The following DNAH3 variants were observed in gnomAD, a reference collection of about 807,000 sequenced individuals.
DNAH3 encodes dynein axonemal heavy chain 3, also known as axonemal beta dynein heavy chain 3.
DNAH3 carries 332 observed loss-of-function variants against 432.5 expected under a neutral mutation model. The observed-to-expected ratio is 0.77, with a 90% confidence interval of 0.70 to 0.84. The LOEUF is 0.84. Ranked by LOEUF, DNAH3 falls within the 40% of genes least tolerant of loss-of-function variation. The pLI, the probability that DNAH3 is intolerant of heterozygous loss-of-function variation, is 0.00. For synonymous variants in DNAH3, 1,956 were observed against 1,900.2 expected (o/e 1.03, Z -0.76); for missense variants, 4,861 against 5,114.0 (o/e 0.95, Z 1.51).
intron 41 of DNAH3, among the ~76,000 whole-genome samples, chr16:21,008,956 G>A (rs1199484150): frequency 6.6e-6 from 1 of 152,168 alleles, no homozygotes; most frequent in Non-Finnish European, 1.5e-5. Context: ...GTGAGCTTCT[G>A]TTATTCTACG....
rs1424311943 is a variant in DNAH3, at chr16:21,060,546, TACAG to T, written c.3721-194_3721-191del. On this transcript the variant is annotated intron_variant, in intron 25 of 61. Transcript: ENST00000261383. ...TTTTTCTTTTTTTTTTTTTTTTTGA[TACAG>T]AGTCTCGCTCTGTCACCAGGCTGGA... 8.4e-5 allele frequency among the ~76,000 whole-genome samples: 11 copies of T among 130,312 alleles called. No homozygotes were observed. In the East Asian group the frequency reaches 1.1e-3, roughly 13 times the overall value. The allele number at this position is 130,312 out of a possible 152,430, so 85.5% of individuals were successfully genotyped here.
Position 21,145,191 on chromosome 16 carries a change from C to T in DNAH3, c.438G>A (p.Leu146=), listed in dbSNP as rs775969210. Residue 146 remains leucine (L), a synonymous_variant, in exon 3 of 62, where the codon CTG becomes CTA. Transcript: ENST00000261383. ...CACTGCCACAAGTACCTGATGATGG[C>T]AGCCCCTGACCGGTCCTGTCCCTAG... 3.7e-6 allele frequency: 6 copies of T among 1,611,240 alleles called. No homozygotes were observed. In the East Asian group the frequency reaches 1.3e-4, roughly 36 times the overall value.
chr16:20,978,864 G>A (rs2085722888), intron 50 of DNAH3, among the ~76,000 whole-genome samples: 1 of 151,978 alleles, frequency 6.6e-6, no homozygotes, highest in Non-Finnish European at 1.5e-5. Flanking sequence ...TTATAGAAGA[G>A]GAATCTGAGG....
At chr16:20,959,365 G>A in exon 54 of DNAH3, 1 of 1,614,128 alleles carries the variant, frequency 6.2e-7, no homozygotes, top group Non-Finnish European at 8.5e-7. Flanking sequence ...CTGTGTTCTG[G>A]TACCTCCCAT....
At chr16:20,988,334 C>A (rs570503422) in intron 44 of DNAH3, among the ~76,000 whole-genome samples, 1 of 152,220 alleles carries the variant, frequency 6.6e-6, no homozygotes, top group Non-Finnish European at 1.5e-5. Flanking sequence ...TTGCTCAGTA[C>A]AGATATAGAG....
intron 51 of DNAH3, among the ~76,000 whole-genome samples, chr16:20,972,033 C>T (rs141411849): frequency 2.6e-5 from 4 of 152,162 alleles, no homozygotes; most frequent in African/African-American, 4.8e-5. Context: ...CCAATTCATG[C>T]GCCTCAGGGG....
At chr16:21,046,755 AG>A (rs551889653) in intron 31 of DNAH3, among the ~76,000 whole-genome samples, 28 of 149,300 alleles carry the variant, frequency 1.9e-4, no homozygotes, top group African/African-American at 6.7e-4. Flanking sequence ...TAGTTGATGC[AG>A]TTTCTTCCTA....
intron 12 of DNAH3, among the ~76,000 whole-genome samples, chr16:21,115,807 T>C (rs1029405574): frequency 3.3e-5 from 5 of 151,874 alleles, no homozygotes; most frequent in African/African-American, 1.2e-4. Flanking sequence ...TAAGAGTCCA[T>C]GAATAGGGAA....
intron 22 of DNAH3, 136 bp from the exon 23 acceptor site, chr16:21,069,730 G>A: frequency 1.3e-6 from 1 of 744,724 alleles, no homozygotes; most frequent in Non-Finnish European, 2.2e-6. Flanking sequence ...TACTTATTGA[G>A]GGCTCCCTAT....
At chr16:21,059,024 T>C (rs947829309) in intron 26 of DNAH3, among the ~76,000 whole-genome samples, 1 of 152,042 alleles carries the variant, frequency 6.6e-6, no homozygotes, top group South Asian at 2.1e-4. Context: ...TTTAAAAAAA[T>C]TTAAAAAAAA....
At chr16:21,027,371 T>A (rs2088624393) in intron 37 of DNAH3, among the ~76,000 whole-genome samples, 3 of 152,186 alleles carry the variant, frequency 2.0e-5, no homozygotes. Context: ...ATATATAGTG[T>A]TCGAAGTGGT....
intron 7 of DNAH3, among the ~76,000 whole-genome samples, chr16:21,133,571 T>C (rs1334988591): frequency 6.6e-6 from 1 of 151,840 alleles, no homozygotes; most frequent in Non-Finnish European, 1.5e-5. Context: ...AGAAACCCCA[T>C]CTTGACTAAA....
exon 45 of DNAH3, chr16:20,988,030 T>C: frequency 6.2e-7 from 1 of 1,614,106 alleles, no homozygotes; most frequent in Non-Finnish European, 8.5e-7. Flanking sequence ...TCAAAGGCAT[T>C]GATGGAAATG....
In DNAH3 at chr16:20,957,420, C is replaced by T. The variant is rs536937600; in HGVS notation, c.10826+1759G>A. Among the ~76,000 whole-genome samples the T allele has an allele frequency of 2.0e-5, 3 of 152,104 alleles. No individual in the cohort carries two copies. In the East Asian group the frequency reaches 5.8e-4, roughly 29 times the overall value. ...TGAAACATGATTCTTTAGTTTCTTCCCCACACTGTTTAGTTAGCTTGCAAG... is the reference window on the plus strand; with the variant it reads ...TGAAACATGATTCTTTAGTTTCTTCTCCACACTGTTTAGTTAGCTTGCAAG... On this transcript the variant is annotated intron_variant, in intron 54 of 61. Coordinates refer to ENST00000261383, the Ensembl canonical transcript of DNAH3.
intron 18 of DNAH3, among the ~76,000 whole-genome samples, chr16:21,095,218 T>C (rs765851255): frequency 7.9e-5 from 12 of 152,196 alleles, no homozygotes; most frequent in Non-Finnish European, 1.5e-4. Context: ...TGCTGGGCAT[T>C]TACCCTAGAG....
At chr16:21,037,639 T>C (rs2089236377) in intron 34 of DNAH3, 122 bp downstream of exon 34, 2 of 746,140 alleles carry the variant, frequency 2.7e-6, no homozygotes, top group Non-Finnish European at 4.5e-6. Flanking sequence ...GGGTATCAGG[T>C]GGCAGAGATG....
rs2090404564 is a variant in DNAH3, at chr16:21,062,694, G to A, written c.3519-11C>T. The A allele has an allele frequency of 6.2e-7, 1 of 1,605,090 alleles. No homozygotes were observed. The highest frequency in any genetic ancestry group is 1.3e-5 in the African/African-American group (1 of 74,564). ...GATAGGAAGAAGAATCTATTTCAAA[G>A]CAAAGAAAGATGGTAACTGGAACCT... On this transcript the variant is annotated splice_polypyrimidine_tract_variant and intron_variant, in intron 24 of 61. Transcript: ENST00000261383.
At chr16:21,024,018 G>C (rs2088403200) in intron 39 of DNAH3, among the ~76,000 whole-genome samples, 1 of 152,086 alleles carries the variant, frequency 6.6e-6, no homozygotes, top group Non-Finnish European at 1.5e-5. Context: ...AGGAACCACA[G>C]ACACCGCTAC....
At chr16:21,123,387 C>G (rs2092383618) in intron 9 of DNAH3, among the ~76,000 whole-genome samples, 1 of 152,178 alleles carries the variant, frequency 6.6e-6, no homozygotes, top group Non-Finnish European at 1.5e-5. Context: ...TACTGTATAT[C>G]AAATACCTAT....
Sources: gnomAD v4.1 joint callset for allele counts (sites outside exome capture counted in the v4.1 genomes callset) on GRCh38, gnomAD v4.1.1 for gene constraint, MANE v1.5 for transcripts, NCBI Gene and HGNC (gene_info 2026-07-23, HGNC 2026-07-21) for gene names.